PCDH19: variants seen among roughly 807,000 people sequenced by gnomAD.
PCDH19 encodes the protein protocadherin 19.
Under a neutral mutation model 46.2 loss-of-function variants are expected in PCDH19, and 6 were observed. The observed-to-expected ratio is 0.13, with a 90% CI of 0.07 to 0.26. The LOEUF is 0.26. Ranked by LOEUF, PCDH19 falls within the 10% of genes least tolerant of loss-of-function variation. The pLI is 1.00. For missense variants in PCDH19, 740 were observed against 972.3 expected (o/e 0.76, Z 3.18); for synonymous variants, 481 against 415.7 (o/e 1.16, Z -1.91).
At chrX:100,316,208 A>C (rs185299542) in intron 5 of PCDH19, among the ~76,000 whole-genome samples, 1,143 of 112,400 alleles carry the variant, frequency 0.01, 7 homozygotes, top group Admixed American at 0.021. Flanking sequence ...TTTTCAATCC[A>C]GAGCTCCCCA....
intron 5 of PCDH19, among the ~76,000 whole-genome samples, chrX:100,320,773 T>A: frequency 1.0e-5 from 1 of 98,633 alleles, no homozygotes; most frequent in African/African-American, 3.7e-5. Context: ...GAAAAAGTTC[T>A]TTTTTTTTTT....
intron 5 of PCDH19, among the ~76,000 whole-genome samples, chrX:100,313,889 A>T (rs867301821): frequency 1.0e-5 from 1 of 95,345 alleles, no homozygotes; most frequent in Non-Finnish European, 2.1e-5. Flanking sequence ...ACACACACAC[A>T]CACACACACA....
chrX:100,341,897 C>A lies in PCDH19; in HGVS notation c.2848+6G>T. The A allele has an allele frequency of 1.7e-6, 2 of 1,207,965 alleles. No individual in the cohort carries two copies. The highest frequency in any genetic ancestry group is 3.5e-5 in the South Asian group (2 of 56,862). On this transcript the variant is annotated splice_donor_region_variant and intron_variant, in intron 5 of 5. Transcript: ENST00000373034. ...TTGCTGCAACTTACATCCAACCAGT[C>A]CTTACCATGATCAGGCATCTGAGAT...
chrX:100,360,097 G>A, intron 3 of PCDH19, among the ~76,000 whole-genome samples: 1 of 111,838 alleles, frequency 8.9e-6, no homozygotes. Flanking sequence ...AAAATATTTA[G>A]AGAGAAAGCG....
chrX:100,402,165 C>A (rs190634007), intron 3 of PCDH19, among the ~76,000 whole-genome samples: 113 of 111,965 alleles, frequency 1.0e-3, no homozygotes, highest in African/African-American at 3.5e-3. Flanking sequence ...ATTTTCAACA[C>A]TACTTGATGA....
chrX:100,320,242 A>G (rs1336290288), intron 5 of PCDH19, among the ~76,000 whole-genome samples: 1 of 111,729 alleles, frequency 9.0e-6, no homozygotes, highest in Admixed American at 9.5e-5. Flanking sequence ...AATATACAAT[A>G]AACAGTAATA....
intron 5 of PCDH19, among the ~76,000 whole-genome samples, chrX:100,313,901 A>ACACACACACACACACT (rs1220794158): frequency 5.9e-5 from 6 of 102,079 alleles, no homozygotes; most frequent in Admixed American, 3.2e-4. Flanking sequence ...ACACACACAC[A>ACACACACACACACACT]CACACAAAGT....
At chrX:100,348,446 A>T (rs978560577) in intron 4 of PCDH19, among the ~76,000 whole-genome samples, 2 of 111,876 alleles carry the variant, frequency 1.8e-5, no homozygotes, top group African/African-American at 3.3e-5. Context: ...AACTCAATTG[A>T]CCACACAAAT....
intron 3 of PCDH19, among the ~76,000 whole-genome samples, chrX:100,357,473 A>C (rs758759358): frequency 3.8e-4 from 42 of 111,504 alleles, no homozygotes; most frequent in Admixed American, 8.6e-4. Flanking sequence ...ACCTTGTGTC[A>C]TTTTTTTCTC....
chrX:100,353,373 T>G (rs1389061414), intron 3 of PCDH19, among the ~76,000 whole-genome samples: 1 of 111,911 alleles, frequency 8.9e-6, no homozygotes, highest in Non-Finnish European at 1.9e-5. Flanking sequence ...AGTAGAAAAT[T>G]TTCCATATCT....
At position 100,333,157 on chromosome X, in the gene PCDH19, GGA is replaced by G. The variant is rs1569294571; in HGVS notation, c.2848+8744_2848+8745del. ...AGGAAGGAAGGAAGGAAGGAAGGAA[GGA>G]AGGAAGGAAGGAAGGGAGAGAGAGA... On this transcript the variant is annotated intron_variant, in intron 5 of 5. Coordinates refer to ENST00000373034, the MANE Select transcript of PCDH19 (RefSeq NM_001184880.2). 4.5e-3 allele frequency among the ~76,000 whole-genome samples: 249 copies of G among 55,513 alleles called. 2 individuals are homozygous for G. Among genetic ancestry groups the G allele is most frequent in the Non-Finnish European group, 6.8e-3 (184 of 27,044 alleles). The allele number at this position is 55,513 out of a possible 115,157, so 48.2% of individuals were successfully genotyped here.
intron 5 of PCDH19, among the ~76,000 whole-genome samples, chrX:100,311,095 T>C: frequency 9.1e-6 from 1 of 110,288 alleles, no homozygotes; most frequent in Non-Finnish European, 1.9e-5. Flanking sequence ...ATCCTCCCAC[T>C]TCAGCCTCAG....
intron 3 of PCDH19, among the ~76,000 whole-genome samples, chrX:100,374,080 A>G (rs190071864): frequency 1.8e-5 from 2 of 112,798 alleles, no homozygotes; most frequent in East Asian, 5.6e-4. Flanking sequence ...TTCTTAGCAG[A>G]AGGATTCAAG....
At chrX:100,321,059 C>G (rs1187984873) in intron 5 of PCDH19, among the ~76,000 whole-genome samples, 1 of 110,996 alleles carries the variant, frequency 9.0e-6, no homozygotes, top group Admixed American at 9.6e-5. Context: ...TCCTGAGTTA[C>G]TTCACTTAGA....
chrX:100,313,801 T>C (rs1602577999), intron 5 of PCDH19, among the ~76,000 whole-genome samples: 1 of 108,322 alleles, frequency 9.2e-6, no homozygotes, highest in East Asian at 2.9e-4. Context: ...GAGGGGCAGA[T>C]GCAGAATTAT....
chrX:100,296,319 T>C lies in PCDH19; in HGVS notation c.3405A>G (p.Lys1135=), dbSNP rs1555972516. ...TCAGACGCTTCACACCAGGGGACTC[T>C]TTGTTGCGACCTTCCTTCAGAATGG... ...VSPILKEGRN[K]ESPGVKRLKD... Residue 1135 remains lysine, a synonymous_variant, in exon 6 of 6, where the codon AAA becomes AAG. Coordinates refer to ENST00000373034, the MANE Select transcript of PCDH19 (RefSeq NM_001184880.2). 2.5e-6 allele frequency: 3 copies of C among 1,211,641 alleles called. No individual in the cohort carries two copies. The highest frequency in any genetic ancestry group is 1.7e-5 in the African/African-American group (1 of 57,822).
At position 100,371,021 on chromosome X, in the gene PCDH19, GTGT is replaced by G. The variant is rs1569304491; in HGVS notation, c.2617-20320_2617-20318del. ...TGTGTGTGTGTGTGTGTGTGTGTGTGTGTGGGTGTGTGTGTATGCATGTGTTTA... is the reference window on the plus strand; with the variant it reads ...TGTGTGTGTGTGTGTGTGTGTGTGTGGGGTGTGTGTGTATGCATGTGTTTA... On this transcript the variant is annotated intron_variant, in intron 3 of 5. Transcript: ENST00000373034. Among the ~76,000 whole-genome samples the G allele has an allele frequency of 3.3e-4, 36 of 109,730 alleles. No individual in the cohort carries two copies. In the East Asian group the frequency reaches 8.4e-3, roughly 26 times the overall value.
chrX:100,346,851 T>C lies in PCDH19; in HGVS notation c.2675+3795A>G, dbSNP rs551270317. On this transcript the variant is annotated intron_variant, in intron 4 of 5. Transcript: ENST00000373034. ...TATTGTTCCCAAAGCACTGTAGGAG[T>C]GGATATCAGACAGCAGCCCACAAAA... 7.8e-4 allele frequency among the ~76,000 whole-genome samples: 83 copies of C among 106,489 alleles called. 1 individual carries two copies. In the South Asian group the frequency reaches 0.031, roughly 40 times the overall value. 92.5% of individuals were successfully genotyped at this position (106,489 alleles called of 115,157 possible).
intron 5 of PCDH19, among the ~76,000 whole-genome samples, chrX:100,323,455 C>T (rs1925584941): frequency 9.0e-6 from 1 of 111,640 alleles, no homozygotes; most frequent in Non-Finnish European, 1.9e-5. Context: ...CATAATATAT[C>T]CAGGAAACAC....
Sources: gnomAD v4.1 joint callset for allele counts (sites outside exome capture counted in the v4.1 genomes callset) on GRCh38, gnomAD v4.1.1 for gene constraint, MANE v1.5 for transcripts, NCBI Gene and HGNC (gene_info 2026-07-23, HGNC 2026-07-21) for gene names.